Variants in CACNA2D3 observed in about 807,000 individuals in gnomAD.
The protein encoded by CACNA2D3 is voltage-dependent calcium channel subunit alpha-2/delta-3.
CACNA2D3 carries 60 observed loss-of-function variants against 160.6 expected under a neutral mutation model. The observed-to-expected ratio is 0.37, with a 90% CI of 0.30 to 0.46. The LOEUF (loss-of-function observed/expected upper bound fraction) is 0.46. Among genes scored for constraint, CACNA2D3 ranks in the 20% least tolerant of loss-of-function variants. The pLI is 1.00. For synonymous variants in CACNA2D3, 558 were observed against 492.9 expected, an observed-to-expected ratio of 1.13 and a Z score of -1.75; for missense variants, 1,205 against 1,365.0, an observed-to-expected ratio of 0.88 and a Z score of 1.85.
chr3:54,172,160 A>G (rs1484252437), intron 2 of CACNA2D3, among the ~76,000 whole-genome samples: 1 of 148,438 alleles, frequency 6.7e-6, no homozygotes, highest in Non-Finnish European at 1.5e-5. Flanking sequence ...TCACCACTCC[A>G]CTCTCCCCTT....
intron 35 of CACNA2D3, among the ~76,000 whole-genome samples, chr3:55,043,719 G>T (rs913048590): frequency 6.6e-6 from 1 of 151,996 alleles, no homozygotes; most frequent in Admixed American, 6.6e-5. Context: ...CCTAACCCAA[G>T]GTCACAAAAG....
chr3:54,883,685 A>G (rs1003089330), intron 21 of CACNA2D3, among the ~76,000 whole-genome samples: 1 of 151,902 alleles, frequency 6.6e-6, no homozygotes, highest in Non-Finnish European at 1.5e-5. Flanking sequence ...GGGCCTTTGC[A>G]CTTGTTATTC....
chr3:54,151,255 A>G (rs1009691756), intron 2 of CACNA2D3, among the ~76,000 whole-genome samples: 3 of 151,430 alleles, frequency 2.0e-5, no homozygotes, highest in Non-Finnish European at 4.4e-5. Flanking sequence ...GGATAGGTGA[A>G]TGGACCGGTG....
chr3:54,737,244 G>A (rs570668146), intron 11 of CACNA2D3, among the ~76,000 whole-genome samples: 2 of 151,026 alleles, frequency 1.3e-5, no homozygotes, highest in Non-Finnish European at 3.0e-5. Context: ...ATAACAAGAG[G>A]ACAGACAAAA....
At chr3:54,495,358 G>C (rs1030980932) in intron 4 of CACNA2D3, among the ~76,000 whole-genome samples, 35 of 152,082 alleles carry the variant, frequency 2.3e-4, no homozygotes, top group Non-Finnish European at 4.0e-4. Context: ...TTTTATTGAG[G>C]CATGAATTTC....
chr3:54,595,984 G>A (rs1217729343), intron 9 of CACNA2D3, among the ~76,000 whole-genome samples: 1 of 152,026 alleles, frequency 6.6e-6, no homozygotes, highest in Non-Finnish European at 1.5e-5. Flanking sequence ...CTCTTACTTG[G>A]CATACAATTT....
In CACNA2D3 at chr3:54,173,431, CAGA is replaced by C. The variant is rs1700611696; in HGVS notation, c.204+49840_204+49842del. The stretch of plus-strand genomic sequence containing the variant: ...AATAATGCAATTTTAAAAGGTTTTT[CAGA>C]AGGTTGCTAATGTGCTGTGATGGGT... On this transcript the variant is annotated intron_variant, in intron 2 of 37. Transcript: ENST00000474759. 5.3e-5 allele frequency among the ~76,000 whole-genome samples: 8 copies of C among 152,266 alleles called. No individual in the cohort carries two copies. The South Asian group carries it at 1.7e-3, about 32-fold the overall frequency.
intron 23 of CACNA2D3, 85 bp downstream of exon 23, chr3:54,885,671 AGGGAAGC>A (rs1415427873): frequency 5.3e-5 from 49 of 933,064 alleles, no homozygotes; most frequent in Non-Finnish European, 7.9e-5. Context: ...TCACTTGTTA[AGGGAAGC>A]TTTGCTTTGG....
At chr3:54,229,319 G>A (rs1450546795) in intron 2 of CACNA2D3, among the ~76,000 whole-genome samples, 1 of 152,020 alleles carries the variant, frequency 6.6e-6, no homozygotes, top group African/African-American at 2.4e-5. Flanking sequence ...AGCCTCCCGA[G>A]TAGCTGGGAC....
At chr3:55,002,597 A>G (rs1048853559) in intron 31 of CACNA2D3, among the ~76,000 whole-genome samples, 1 of 152,182 alleles carries the variant, frequency 6.6e-6, no homozygotes, top group Non-Finnish European at 1.5e-5. Context: ...TGGCTGATTT[A>G]TGGTCTTCGT....
intron 2 of CACNA2D3, among the ~76,000 whole-genome samples, chr3:54,272,104 C>T (rs961695259): frequency 2.0e-5 from 3 of 152,134 alleles, no homozygotes; most frequent in African/African-American, 7.2e-5. Context: ...GGGACACATA[C>T]CTTCCCATAT....
At chr3:54,697,426 A>G (rs1700685005) in intron 11 of CACNA2D3, among the ~76,000 whole-genome samples, 1 of 152,106 alleles carries the variant, frequency 6.6e-6, no homozygotes, top group African/African-American at 2.4e-5. Context: ...GTCTTAGGGA[A>G]CCGCCTTCAT....
intron 27 of CACNA2D3, among the ~76,000 whole-genome samples, chr3:54,961,317 G>A (rs1009200266): frequency 3.3e-5 from 5 of 152,224 alleles, no homozygotes; most frequent in African/African-American, 1.2e-4. Context: ...CAGCAAGGAA[G>A]CTGATGATCT....
At chr3:54,980,421 C>A (rs1374923460) in intron 29 of CACNA2D3, among the ~76,000 whole-genome samples, 3 of 152,198 alleles carry the variant, frequency 2.0e-5, no homozygotes, top group Non-Finnish European at 2.9e-5. Context: ...ACAAGTCATT[C>A]AAACTTTTAG....
chr3:54,336,193 C>G (rs1452687091), intron 3 of CACNA2D3, among the ~76,000 whole-genome samples: 1 of 152,060 alleles, frequency 6.6e-6, no homozygotes, highest in Non-Finnish European at 1.5e-5. Context: ...TGGACGCCCT[C>G]CTGCTCTGCA....
At chr3:54,831,083 A>T (rs1392835790) in intron 14 of CACNA2D3, among the ~76,000 whole-genome samples, 2 of 152,342 alleles carry the variant, frequency 1.3e-5, no homozygotes, top group South Asian at 4.1e-4. Flanking sequence ...GAGGAGCAAA[A>T]TATAGAAGAA....
intron 29 of CACNA2D3, among the ~76,000 whole-genome samples, chr3:54,980,691 A>G (rs1702488294): frequency 6.6e-6 from 1 of 152,232 alleles, no homozygotes; most frequent in African/African-American, 2.4e-5. Flanking sequence ...ACTAGAGGGC[A>G]TGACTCTCCA....
intron 35 of CACNA2D3, among the ~76,000 whole-genome samples, chr3:55,021,615 ATG>A (rs1316787642): frequency 4.5e-5 from 5 of 111,278 alleles, no homozygotes; most frequent in South Asian, 2.6e-4. Flanking sequence ...ATATATATAT[ATG>A]TGTGTGTGTA....
chr3:54,765,904 G>C (rs1702215474), intron 13 of CACNA2D3, among the ~76,000 whole-genome samples: 1 of 152,088 alleles, frequency 6.6e-6, no homozygotes. Flanking sequence ...GGGAAAATCA[G>C]ATAGCCATTT....
Sources: allele counts gnomAD v4.1 joint callset (sites outside exome capture counted in the v4.1 genomes callset), GRCh38; gene constraint gnomAD v4.1.1; transcripts MANE v1.5; gene names NCBI Gene and HGNC (gene_info 2026-07-23, HGNC 2026-07-21).